The following ALG13 variants were observed in gnomAD, a reference collection of about 807,000 sequenced individuals.
ALG13 encodes UDP-N-acetylglucosamine transferase subunit ALG13.
Under a neutral mutation model 87.8 loss-of-function variants are expected in ALG13, and 11 were observed. The observed-to-expected ratio is 0.13, with a 90% CI of 0.08 to 0.21. ALG13 has a LOEUF of 0.21. Among genes scored for constraint, ALG13 ranks in the 10% least tolerant of loss-of-function variants. The probability of loss-of-function intolerance (pLI) is 1.00; values close to 1 mark genes in which losing one functional copy is unlikely to be tolerated. For missense variants in ALG13, 756 were observed against 866.1 expected, an observed-to-expected ratio of 0.87 and a Z score of 1.60; for synonymous variants, 320 against 306.3, an observed-to-expected ratio of 1.04 and a Z score of -0.47.
At chrX:111,704,468 G>T (rs1196010702) in intron 3 of ALG13, among the ~76,000 whole-genome samples, 2 of 112,059 alleles carry the variant, frequency 1.8e-5, no homozygotes, top group East Asian at 2.8e-4. Context: ...ATCAACTAAT[G>T]AATGGATAAA....
At chrX:111,750,258 C>T (rs1944598842) in intron 24 of ALG13, among the ~76,000 whole-genome samples, 1 of 111,411 alleles carries the variant, frequency 9.0e-6, no homozygotes, top group South Asian at 3.8e-4. Context: ...TTAGCAATCG[C>T]TCCTCTAGTT....
At chrX:111,726,099 G>A (rs1941975008) in intron 15 of ALG13, among the ~76,000 whole-genome samples, 1 of 110,400 alleles carries the variant, frequency 9.1e-6, no homozygotes, top group Non-Finnish European at 1.9e-5. Flanking sequence ...TCCTGCCACC[G>A]TGCCTGGCTA....
At chrX:111,737,075 C>T in intron 23 of ALG13, 196 bp downstream of exon 23, 8 of 349,806 alleles carry the variant, frequency 2.3e-5, no homozygotes, top group Non-Finnish European at 3.7e-5. Flanking sequence ...TTGAAAATTT[C>T]GTGCTGGTAA....
At chrX:111,714,357 G>C (rs1940255817) in intron 8 of ALG13, 1 of 109,592 alleles carries the variant, frequency 9.1e-6, no homozygotes, top group Non-Finnish European at 1.9e-5. Context: ...CCTTCTTTCT[G>C]CTTGAGGGAG....
At chrX:111,694,143 A>T (rs1428315729) in intron 3 of ALG13, among the ~76,000 whole-genome samples, 3 of 110,103 alleles carry the variant, frequency 2.7e-5, no homozygotes, top group African/African-American at 9.9e-5. Flanking sequence ...TCTCGGGTTC[A>T]CGCCATTCTT....
At chrX:111,734,682 C>T (rs1943064121) in intron 21 of ALG13, among the ~76,000 whole-genome samples, 1 of 111,832 alleles carries the variant, frequency 8.9e-6, no homozygotes, top group Non-Finnish European at 1.9e-5. Context: ...ACCAGTTTAC[C>T]CTTGTACCAA....
chrX:111,738,788 C>T (rs1602842080), intron 23 of ALG13, among the ~76,000 whole-genome samples: 1 of 106,990 alleles, frequency 9.3e-6, no homozygotes, highest in East Asian at 3.0e-4. Flanking sequence ...CCACCCACCT[C>T]AGCCTCCCAA....
intron 5 of ALG13, among the ~76,000 whole-genome samples, chrX:111,709,265 C>T (rs1295503609): frequency 8.9e-6 from 1 of 111,989 alleles, no homozygotes; most frequent in Non-Finnish European, 1.9e-5. Context: ...GAATAATCTA[C>T]ATTTTCCCAC....
intron 24 of ALG13, among the ~76,000 whole-genome samples, chrX:111,750,403 C>CT (rs775982202): frequency 9.0e-6 from 1 of 111,409 alleles, no homozygotes; most frequent in South Asian, 3.7e-4. Flanking sequence ...GTACTTTATT[C>CT]TTTTTTATGG....
chrX:111,697,143 A>AT (rs755435075), intron 3 of ALG13, among the ~76,000 whole-genome samples: 19 of 111,325 alleles, frequency 1.7e-4, no homozygotes, highest in Non-Finnish European at 3.6e-4. Context: ...AGTCACAAAA[A>AT]TTTCTAGAGC....
At chrX:111,734,375 G>A (rs1298803446) in intron 21 of ALG13, 1 of 112,332 alleles carries the variant, frequency 8.9e-6, no homozygotes, top group Non-Finnish European at 1.9e-5. Context: ...CAGGGGCTTT[G>A]GCTATACTTG....
At chrX:111,710,622 C>G (rs1386772886) in intron 5 of ALG13, among the ~76,000 whole-genome samples, 1 of 112,025 alleles carries the variant, frequency 8.9e-6, no homozygotes, top group Non-Finnish European at 1.9e-5. Context: ...TTCACCATCT[C>G]AATTGTGATG....
intron 3 of ALG13, among the ~76,000 whole-genome samples, chrX:111,701,428 G>A (rs948686548): frequency 9.0e-6 from 1 of 111,197 alleles, no homozygotes; most frequent in Non-Finnish European, 1.9e-5. Flanking sequence ...ATTTAGTCTT[G>A]GTAGGTTGTA....
At position 111,685,091 on chromosome X, in the gene ALG13, A is replaced by T; in HGVS notation, c.371A>T (p.Tyr124Phe). 8.3e-7 allele frequency: 1 copy of T among 1,208,903 alleles called. No individual in the cohort carries two copies. The change falls in exon 3 of 27, where the codon TAT becomes TTT. Residue 124 changes from tyrosine to phenylalanine, a missense_variant. Transcript: ENST00000394780. The part of the protein sequence containing the change: ...KQLHKEGHLF[Y>F]CTCRVLTCPG... ...CTACACAAAGAGGGTCATCTCTTCT[A>T]TTGTACCTGCAGGTATGCTAGAGAC... is the stretch of plus-strand genomic sequence containing the variant.
At chrX:111,713,693 A>G (rs1051009860) in intron 8 of ALG13, among the ~76,000 whole-genome samples, 10 of 111,826 alleles carry the variant, frequency 8.9e-5, no homozygotes, top group African/African-American at 2.9e-4. Context: ...AACTTTCCCA[A>G]TGCCCCTGGA....
At chrX:111,752,767 A>AT in intron 24 of ALG13, 23 bp from the exon 25 acceptor site, 1 of 1,110,033 alleles carries the variant, frequency 9.0e-7, no homozygotes. Context: ...CAAGTCACTA[A>AT]TTTTTTTGAT....
In ALG13 at chrX:111,708,997, C is replaced by G. The variant is rs1430458529; in HGVS notation, c.783C>G (p.Ile261Met). The change falls in exon 5 of 27, where the codon ATC (isoleucine) becomes ATG (methionine). Residue 261 changes from isoleucine (I) to methionine (M), a missense_variant. Physicochemically the swap from Ile to Met is conservative, Grantham distance 10. Around this residue, in one of 9 missense-constraint regions of ALG13, gnomAD observed 9 missense variants for 31.9 expected, o/e 0.28. Transcript: ENST00000394780. The stretch of plus-strand genomic sequence containing the variant: ...GCAGCCAGGTCCATCATTTGGAAAT[C>G]AGGAAGGCTTGTGTCTCATATATGA... The part of the protein sequence containing the change: ...LFCSQVHHLE[I>M]RKACVSYMRE... 17 of 1,189,643 alleles carry G rather than the reference C, an allele frequency of 1.4e-5. No individual in the cohort carries two copies. The highest frequency in any genetic ancestry group is 1.9e-5 in the Non-Finnish European group (17 of 882,201).
chrX:111,753,002 C>G (rs1944895173), intron 25 of ALG13, 172 bp downstream of exon 25: 1 of 388,762 alleles, frequency 2.6e-6, no homozygotes, highest in Non-Finnish European at 4.5e-6. Flanking sequence ...TTTAGCCTCC[C>G]AGTGCTTTAG....
At chrX:111,743,903 T>C (rs1185109108) in intron 23 of ALG13, 1 of 108,173 alleles carries the variant, frequency 9.2e-6, no homozygotes, top group East Asian at 2.8e-4. Flanking sequence ...CATTCATCTT[T>C]TGTAAAAAAA....
Sources: allele counts gnomAD v4.1 joint callset (sites outside exome capture counted in the v4.1 genomes callset), GRCh38; gene constraint gnomAD v4.1.1; regional missense constraint gnomAD v4.1.1; transcripts MANE v1.5; gene names NCBI Gene and HGNC (gene_info 2026-07-23, HGNC 2026-07-21).